Variants in DNMT3A observed in about 807,000 individuals in gnomAD.
The protein encoded by DNMT3A is DNA (cytosine-5)-methyltransferase 3A.
In DNMT3A, 267 loss-of-function variants were observed where a neutral mutation model predicts 117.6. The observed-to-expected ratio is 2.27, with a 90% CI of 2.05 to 2.51. DNMT3A has a LOEUF of 2.51. DNMT3A is among the 30% of genes most tolerant of loss of function. The pLI is 0.00. For missense variants in DNMT3A, 1,029 were observed against 1,260.2 expected (o/e 0.82, Z 2.78); for synonymous variants, 432 against 474.8 (o/e 0.91, Z 1.17).
At chr2:25,341,093 A>C (rs2035412604) in intron 1 of DNMT3A, among the ~76,000 whole-genome samples, 1 of 140,032 alleles carries the variant, frequency 7.1e-6, no homozygotes. Context: ...CCCCAGCCAC[A>C]GGTGGCCGGA....
intron 2 of DNMT3A, 33 bp downstream of exon 2, chr2:25,313,880 G>A: frequency 6.5e-7 from 1 of 1,548,928 alleles, no homozygotes; most frequent in Admixed American, 2.0e-5. Flanking sequence ...CCTCTCCCAG[G>A]CCAGAGGGTC....
At chr2:25,319,471 A>C (rs528380420) in intron 1 of DNMT3A, among the ~76,000 whole-genome samples, 8 of 152,308 alleles carry the variant, frequency 5.3e-5, no homozygotes, top group Admixed American at 3.9e-4. Flanking sequence ...ATCTTCAGAC[A>C]TATGAGGCCT....
chr2:25,265,414 G>A (rs897161942), intron 6 of DNMT3A, among the ~76,000 whole-genome samples: 21 of 152,212 alleles, frequency 1.4e-4, no homozygotes, highest in Non-Finnish European at 2.8e-4. Context: ...GAAGCAACAC[G>A]AGATTTGGAG....
Position 25,278,771 on chromosome 2 carries a change from A to G in DNMT3A, c.449-3228T>C, listed in dbSNP as rs547447078. On this transcript the variant is annotated intron_variant, in intron 4 of 22. Transcript: ENST00000321117. ...AACCTGGGAGGTGGAGGTTGCAGTA[A>G]GCCAAGATTGTGCCACTGCACTCCA... is the stretch of plus-strand genomic sequence containing the variant. Among the ~76,000 whole-genome samples, 56 of 152,270 alleles carry G rather than the reference A, an allele frequency of 3.7e-4. 1 individual carries two copies. The highest frequency in any genetic ancestry group is 1.1e-3 in the African/African-American group (45 of 41,558).
chr2:25,295,691 T>C (rs1312411750), intron 3 of DNMT3A, among the ~76,000 whole-genome samples: 1 of 152,126 alleles, frequency 6.6e-6, no homozygotes, highest in African/African-American at 2.4e-5. Flanking sequence ...AGTTGGGAGG[T>C]GTGAAGTCCA....
intron 2 of DNMT3A, among the ~76,000 whole-genome samples, chr2:25,302,591 C>T (rs536487570): frequency 6.6e-6 from 1 of 152,132 alleles, no homozygotes; most frequent in African/African-American, 2.4e-5. Flanking sequence ...AGCAAACTCG[C>T]GGGAGCCTTC....
chr2:25,300,725 A>AT (rs1319516881), intron 2 of DNMT3A, among the ~76,000 whole-genome samples: 2 of 21,166 alleles, frequency 9.4e-5, no homozygotes, highest in African/African-American at 4.7e-4. Context: ...ATATATATAT[A>AT]TATATATATA....
intron 4 of DNMT3A, 104 bp from the exon 5 acceptor site, chr2:25,275,647 G>A: frequency 4.0e-6 from 5 of 1,261,566 alleles, no homozygotes; most frequent in Non-Finnish European, 5.4e-6. Context: ...ACAGGGGATG[G>A]GGGTCCTCTG....
At position 25,230,344 on chromosome 2, in the gene DNMT3A, G is replaced by C. The variant is rs59394232; in HGVS notation, c.*3935C>G. 28,221 of 152,156 alleles carry C rather than the reference G, an allele frequency of 0.19. 3,094 individuals are homozygous for C. Among genetic ancestry groups the C allele is most frequent in the Admixed American group, 0.34 (5,161 of 15,274 alleles). The allele number at this position is 152,156 out of a possible 1,614,324, so 9.4% of individuals were successfully genotyped here. Reference sequence around the variant, plus strand: ...GCTTCCTGCTTAGGCAGGAGGCCAAGGACTGTGTCCCCAGCACGAGCACCT... The same window carrying C: ...GCTTCCTGCTTAGGCAGGAGGCCAACGACTGTGTCCCCAGCACGAGCACCT... On this transcript the variant is annotated 3_prime_UTR_variant, in exon 23 of 23. Transcript: ENST00000321117.
At position 25,237,040 on chromosome 2, in the gene DNMT3A, C is replaced by T; in HGVS notation, c.2409-35G>A. 1.2e-6 allele frequency: 2 copies of T among 1,610,154 alleles called. No individual in the cohort carries two copies. Among genetic ancestry groups the T allele is most frequent in the Non-Finnish European group, 8.5e-7 (1 of 1,178,100 alleles). The stretch of plus-strand genomic sequence containing the variant: ...AGAAGAGAGACTGTAACAACAGAAA[C>T]CTGGATAACAGCGGGAAGGGCCCCA... On this transcript the variant is annotated intron_variant, in intron 20 of 22. Coordinates refer to ENST00000321117, the MANE Select transcript of DNMT3A (RefSeq NM_022552.5). This position sits in a 1 kb window ranked among gnomAD's most constrained non-coding sequence, Gnocchi z 5.4.
intron 3 of DNMT3A, among the ~76,000 whole-genome samples, chr2:25,295,569 T>C (rs2033039224): frequency 6.6e-6 from 1 of 152,244 alleles, no homozygotes; most frequent in African/African-American, 2.4e-5. Flanking sequence ...CACACACTTT[T>C]TCCAGCAGCC....
intron 3 of DNMT3A, among the ~76,000 whole-genome samples, chr2:25,299,788 G>A (rs1297676836): frequency 6.6e-6 from 1 of 152,242 alleles, no homozygotes; most frequent in African/African-American, 2.4e-5. Context: ...AAAATTAGCC[G>A]GGAATGGTGG....
intron 2 of DNMT3A, among the ~76,000 whole-genome samples, chr2:25,309,253 G>A (rs1482944584): frequency 6.6e-6 from 1 of 152,190 alleles, no homozygotes; most frequent in Non-Finnish European, 1.5e-5. Flanking sequence ...ACCTGGAAAG[G>A]TACCTATGTC....
chr2:25,228,237 A>AAAAAAAAAAAAAAAAAAAAAG lies in DNMT3A; in HGVS notation c.*6041_*6042insCTTTTTTTTTTTTTTTTTTTT, dbSNP rs1672749748. ...AAAAAAAAAAAAAAAAAAAAAAAAA[A>AAAAAAAAAAAAAAAAAAAAAG]AAAAAAAAAAAAAAATACAGTGGTG... On this transcript the variant is annotated 3_prime_UTR_variant, in exon 23 of 23. Coordinates refer to ENST00000321117, the MANE Select transcript of DNMT3A (RefSeq NM_022552.5). 1 of 136,456 alleles carries AAAAAAAAAAAAAAAAAAAAAG rather than the reference A, an allele frequency of 7.3e-6. No individual in the cohort carries two copies. The highest frequency in any genetic ancestry group is 1.6e-5 in the Non-Finnish European group (1 of 64,214). 8.5% of individuals were successfully genotyped at this position (136,456 alleles called of 1,614,324 possible).
At chr2:25,324,969 C>T (rs1224640579) in intron 1 of DNMT3A, among the ~76,000 whole-genome samples, 1 of 152,140 alleles carries the variant, frequency 6.6e-6, no homozygotes, top group African/African-American at 2.4e-5. Flanking sequence ...GGCTCTCACA[C>T]CACTCTCGAG....
At chr2:25,341,157 C>T (rs1344074991) in intron 1 of DNMT3A, among the ~76,000 whole-genome samples, 2 of 145,592 alleles carry the variant, frequency 1.4e-5, no homozygotes, top group Non-Finnish European at 3.1e-5. Flanking sequence ...CCCCTCGGCC[C>T]GCCCCCGGGG....
intron 22 of DNMT3A, 62 bp downstream of exon 22, chr2:25,235,645 C>A (rs370545997): frequency 4.4e-6 from 6 of 1,361,482 alleles, no homozygotes; most frequent in African/African-American, 4.3e-5. Context: ...AGAGGACCCC[C>A]GCAGCAAGCA....
chr2:25,316,136 C>T (rs993251414), intron 1 of DNMT3A, among the ~76,000 whole-genome samples: 5 of 152,304 alleles, frequency 3.3e-5, no homozygotes, highest in East Asian at 1.9e-4. Flanking sequence ...CAAATGGAGT[C>T]GGGGGAGACC....
chr2:25,264,819 G>A (rs1372312584), intron 6 of DNMT3A, among the ~76,000 whole-genome samples: 1 of 152,142 alleles, frequency 6.6e-6, no homozygotes, highest in Non-Finnish European at 1.5e-5. Flanking sequence ...ACGTATATGC[G>A]AGGTCTGAGA....
Sources: allele counts gnomAD v4.1 joint callset (sites outside exome capture counted in the v4.1 genomes callset), GRCh38; gene constraint gnomAD v4.1.1; non-coding constraint Gnocchi (gnomAD v3.1); transcripts MANE v1.5; gene names NCBI Gene and HGNC (gene_info 2026-07-23, HGNC 2026-07-21).